The following KCNT1 variants were observed in gnomAD, a reference collection of about 807,000 sequenced individuals.
KCNT1 encodes potassium channel subfamily T member 1.
KCNT1 carries 78 observed loss-of-function variants against 147.8 expected under a neutral mutation model. The observed-to-expected ratio is 0.53, with a 90% CI of 0.44 to 0.64. The LOEUF is 0.64. Among genes scored for constraint, KCNT1 ranks in the 30% least tolerant of loss-of-function variants. KCNT1 has a pLI of 0.00. For missense variants in KCNT1, 1,419 were observed against 1,750.3 expected, an observed-to-expected ratio of 0.81 and a Z score of 3.38; for synonymous variants, 867 against 748.8, an observed-to-expected ratio of 1.16 and a Z score of -2.58.
At position 135,714,158 on chromosome 9, in the gene KCNT1, C is replaced by T. The variant is rs1328446911; in HGVS notation, c.111-419C>T. ...CCGGCCTCGGCAAAGACCCTGGGGACGGGGAGGGGAGCTGGGGAGTTGGGA... is the reference window on the plus strand; with the variant it reads ...CCGGCCTCGGCAAAGACCCTGGGGATGGGGAGGGGAGCTGGGGAGTTGGGA... On this transcript the variant is annotated intron_variant, in intron 1 of 30. Transcript: ENST00000371757. The surrounding 1 kb of genome is among the most constrained non-coding windows in gnomAD (Gnocchi z 6.2). 4.6e-5 allele frequency among the ~76,000 whole-genome samples: 5 copies of T among 108,376 alleles called. No homozygotes were observed. Among genetic ancestry groups the T allele is most frequent in the African/African-American group, 6.6e-5 (2 of 30,300 alleles). 71.1% of individuals were successfully genotyped at this position (108,376 alleles called of 152,430 possible). A position where few individuals can be genotyped will look rare whatever the true frequency, so the allele number is the denominator to read the frequency against.
Position 135,704,350 on chromosome 9 carries a change from C to T in KCNT1, c.110+1982C>T, listed in dbSNP as rs942796846. ...CCCCACTCCAGTGCCCCAGCTCAAA[C>T]CCCCAGCTCCACGCTAGTGGTGTCC... On this transcript the variant is annotated intron_variant, in intron 1 of 30. Coordinates refer to ENST00000371757, the MANE Select transcript of KCNT1 (RefSeq NM_020822.3). Among the ~76,000 whole-genome samples the T allele has an allele frequency of 5.9e-5, 9 of 152,364 alleles. No homozygotes were observed. In the East Asian group the frequency reaches 1.2e-3, roughly 20 times the overall value.
chr9:135,782,692 G>A (rs997529587), intron 24 of KCNT1, among the ~76,000 whole-genome samples: 10 of 152,178 alleles, frequency 6.6e-5, no homozygotes, highest in South Asian at 6.2e-4. Context: ...TGGCCCTGTC[G>A]TGGTTCTTGT....
At chr9:135,738,923 T>C (rs1386059872) in intron 2 of KCNT1, among the ~76,000 whole-genome samples, 2 of 152,056 alleles carry the variant, frequency 1.3e-5, no homozygotes, top group African/African-American at 2.4e-5. Flanking sequence ...CTGCAAAGCT[T>C]TTGAGTAAAA....
chr9:135,707,162 C>T lies in KCNT1; in HGVS notation c.110+4794C>T, dbSNP rs573501435. On this transcript the variant is annotated intron_variant, in intron 1 of 30. Transcript: ENST00000371757. Reference sequence around the variant, plus strand: ...TTAAAAATTAAGATCAGATAAGGCCCGGTGCACCCCTGCAGGCCATGCCAG... The same window carrying T: ...TTAAAAATTAAGATCAGATAAGGCCTGGTGCACCCCTGCAGGCCATGCCAG... 2.3e-4 allele frequency among the ~76,000 whole-genome samples: 35 copies of T among 152,170 alleles called. No individual in the cohort carries two copies. The South Asian group carries it at 2.5e-3, about 11-fold the overall frequency.
At position 135,777,405 on chromosome 9, in the gene KCNT1, C is replaced by T. The variant is rs866480184; in HGVS notation, c.2417C>T (p.Ser806Leu). 4 of 1,614,074 alleles carry T rather than the reference C, an allele frequency of 2.5e-6. No homozygotes were observed. Among genetic ancestry groups the T allele is most frequent in the Non-Finnish European group, 3.4e-6 (4 of 1,179,970 alleles). ...YGFKNKLIIV[S>L]AETAGNGLYN... ...TTCAAGAACAAGCTGATCATCGTCT[C>T]GGCAGAGACGGCCGGCAATGGGCTG... Residue 806 changes from serine (S) to leucine (L), a missense_variant, in exon 21 of 31, where the codon TCG (serine) becomes TTG (leucine). By Grantham distance (145) the Ser-to-Leu change is moderately radical. Transcript: ENST00000371757.
At chr9:135,788,441 G>T (rs1834238237) in intron 29 of KCNT1, among the ~76,000 whole-genome samples, 1 of 152,260 alleles carries the variant, frequency 6.6e-6, no homozygotes, top group African/African-American at 2.4e-5. Context: ...CCAGCTCTCG[G>T]GCTCACCCTG....
intron 4 of KCNT1, 27 bp downstream of exon 4, chr9:135,751,068 G>T (rs1211598990): frequency 3.8e-6 from 6 of 1,586,598 alleles, no homozygotes; most frequent in Non-Finnish European, 5.1e-6. Flanking sequence ...GCCGGGCGCG[G>T]GGTCCCGGGT....
At chr9:135,703,950 G>C (rs1222341776) in intron 1 of KCNT1, among the ~76,000 whole-genome samples, 3 of 152,260 alleles carry the variant, frequency 2.0e-5, no homozygotes, top group African/African-American at 4.8e-5. Flanking sequence ...ACTGCAGGCA[G>C]AGCAGCCGCC....
intron 13 of KCNT1, among the ~76,000 whole-genome samples, chr9:135,766,164 G>A (rs977949999): frequency 6.6e-6 from 1 of 150,394 alleles, no homozygotes; most frequent in Non-Finnish European, 1.5e-5. Context: ...AGGGTGGATT[G>A]TCTAGGGTGG....
At chr9:135,760,982 C>G (rs1209718403) in intron 11 of KCNT1, among the ~76,000 whole-genome samples, 2 of 152,132 alleles carry the variant, frequency 1.3e-5, no homozygotes, top group African/African-American at 2.4e-5. Flanking sequence ...CTGTGACCGC[C>G]CCTCTCACTT....
rs372732678 is a variant in KCNT1 at position 135,708,544 on chromosome 9, CA to C, written c.111-6031del. Among the ~76,000 whole-genome samples the C allele has an allele frequency of 3.0e-3, 463 of 152,274 alleles. 2 individuals carry two copies. The highest frequency in any genetic ancestry group is 0.011 in the African/African-American group (442 of 41,560). On this transcript the variant is annotated intron_variant, in intron 1 of 30. Coordinates refer to ENST00000371757, the MANE Select transcript of KCNT1 (RefSeq NM_020822.3). ...TCATTCCCTTAGCCAAAGACAGTCACAATCTTTTTTTGTTGTTGTTGTTTCA... is the reference window on the plus strand; with the variant it reads ...TCATTCCCTTAGCCAAAGACAGTCACATCTTTTTTTGTTGTTGTTGTTTCA...
At chr9:135,771,517 G>T (rs1459768460) in intron 18 of KCNT1, among the ~76,000 whole-genome samples, 2 of 152,250 alleles carry the variant, frequency 1.3e-5, no homozygotes, top group Non-Finnish European at 2.9e-5. Flanking sequence ...CCGGTTGGCA[G>T]CTCAACCGGA....
rs763792397 is a variant in KCNT1, at chr9:135,779,488, G to T, written c.2841+18G>T. The T allele has an allele frequency of 1.9e-6, 3 of 1,546,232 alleles. No homozygotes were observed. Among genetic ancestry groups the T allele is most frequent in the Non-Finnish European group, 2.7e-6 (3 of 1,118,872 alleles). On this transcript the variant is annotated intron_variant, in intron 24 of 30. Transcript: ENST00000371757. ...TAGAAAAGGTGAGCAGCCCTGCCCC[G>T]TGCCAGCTGCCACCCCAGAATCCCA...
intron 2 of KCNT1, among the ~76,000 whole-genome samples, chr9:135,748,767 A>G (rs1457762546): frequency 6.6e-6 from 1 of 152,212 alleles, no homozygotes; most frequent in Non-Finnish European, 1.5e-5. Flanking sequence ...CTCGCGCTGC[A>G]CTGGGCAGGG....
chr9:135,734,176 T>G (rs976713395), intron 2 of KCNT1, among the ~76,000 whole-genome samples: 1 of 152,176 alleles, frequency 6.6e-6, no homozygotes, highest in African/African-American at 2.4e-5. Context: ...TTCCAGGATG[T>G]CTGCCCCTGT....
intron 2 of KCNT1, among the ~76,000 whole-genome samples, chr9:135,732,963 A>T (rs1260949484): frequency 1.3e-5 from 2 of 151,862 alleles, no homozygotes; most frequent in Non-Finnish European, 2.9e-5. Context: ...TTGCCTCCTG[A>T]TGAGGGCTAA....
chr9:135,740,623 C>A (rs527706489), intron 2 of KCNT1, among the ~76,000 whole-genome samples: 1 of 152,254 alleles, frequency 6.6e-6, no homozygotes, highest in Non-Finnish European at 1.5e-5. Context: ...TTCCACTGAC[C>A]ACTGCTGCCC....
intron 1 of KCNT1, among the ~76,000 whole-genome samples, chr9:135,703,579 GGAC>G (rs1197582419): frequency 6.6e-6 from 1 of 152,198 alleles, no homozygotes; most frequent in Non-Finnish European, 1.5e-5. Context: ...GGCACAGCCT[GGAC>G]GTGCTCTGAG....
Position 135,778,589 on chromosome 9 carries a change from G to C in KCNT1, c.2594+94G>C, listed in dbSNP as rs549476149. ...GGGTGACCCCGACCGCAGGTGGGGT[G>C]GGGGGCTGAGGTCCTCCTGCCTTCT... On this transcript the variant is annotated intron_variant, in intron 22 of 30. Transcript: ENST00000371757. 7.8e-5 allele frequency: 125 copies of C among 1,598,802 alleles called. 1 individual carries two copies. In the East Asian group the frequency reaches 2.2e-3, roughly 28 times the overall value.
Sources: allele counts gnomAD v4.1 joint callset (sites outside exome capture counted in the v4.1 genomes callset), GRCh38; gene constraint gnomAD v4.1.1; non-coding constraint Gnocchi (gnomAD v3.1); transcripts MANE v1.5; gene names NCBI Gene and HGNC (gene_info 2026-07-23, HGNC 2026-07-21).